Variants in TBX15 observed in about 807,000 individuals in gnomAD.
TBX15 encodes the protein T-box transcription factor 15, also known as T-box transcription factor TBX15.
In TBX15, 18 loss-of-function variants were observed where a neutral mutation model predicts 53.9. The observed-to-expected ratio is 0.33, with a 90% CI of 0.23 to 0.49. The LOEUF is 0.49. TBX15 is among the 20% of genes least tolerant of loss of function. The pLI is 0.98. For synonymous variants in TBX15, 295 were observed against 278.0 expected, an observed-to-expected ratio of 1.06 and a Z score of -0.61; for missense variants, 692 against 749.5, an observed-to-expected ratio of 0.92 and a Z score of 0.90.
chr1:118,894,568 GT>G (rs1654355710), intron 7 of TBX15, among the ~76,000 whole-genome samples: 1 of 152,162 alleles, frequency 6.6e-6, no homozygotes, highest in Non-Finnish European at 1.5e-5. Flanking sequence ...AGACATTAAG[GT>G]CATGCAGTGA....
chr1:118,970,935 A>T (rs1028951841), intron 1 of TBX15, among the ~76,000 whole-genome samples: 1 of 152,182 alleles, frequency 6.6e-6, no homozygotes, highest in Non-Finnish European at 1.5e-5. Context: ...ATTCTGCTTC[A>T]AGTTAACCCA....
At chr1:118,929,152 C>T (rs1655699525) in intron 2 of TBX15, among the ~76,000 whole-genome samples, 1 of 152,144 alleles carries the variant, frequency 6.6e-6, no homozygotes, top group Admixed American at 6.5e-5. Flanking sequence ...CACCTCTGTC[C>T]ATGGTGCTGA....
chr1:118,971,615 C>A lies in TBX15; in HGVS notation c.205+15976G>T, dbSNP rs560435950. Among the ~76,000 whole-genome samples the A allele has an allele frequency of 5.9e-5, 9 of 152,150 alleles. 1 individual carries two copies. Among genetic ancestry groups the A allele is most frequent in the African/African-American group, 2.2e-4 (9 of 41,450 alleles). ...TATGTTGGATGTCATAAGAAAGGTA[C>A]AAAATATTAATTTTTAAAGGCTTCT... is the stretch of plus-strand genomic sequence containing the variant. On this transcript the variant is annotated intron_variant, in intron 1 of 7. Coordinates refer to ENST00000369429, the MANE Select transcript of TBX15 (RefSeq NM_001330677.2).
chr1:118,924,930 A>G (rs1251468678), intron 3 of TBX15, 113 bp from the exon 4 acceptor site: 4 of 1,134,338 alleles, frequency 3.5e-6, no homozygotes, highest in Non-Finnish European at 5.3e-6. Context: ...GATTACATGA[A>G]TGGAGAAGTA....
intron 1 of TBX15, among the ~76,000 whole-genome samples, chr1:118,969,952 G>T (rs1182990631): frequency 5.3e-5 from 8 of 152,228 alleles, no homozygotes; most frequent in Non-Finnish European, 8.8e-5. Flanking sequence ...CCTGATGGGA[G>T]GTGATTGGAT....
chr1:118,898,483 G>T (rs1373335958), intron 7 of TBX15, among the ~76,000 whole-genome samples: 1 of 152,110 alleles, frequency 6.6e-6, no homozygotes, highest in Admixed American at 6.6e-5. Context: ...CAGTAGGGGG[G>T]AAAGTCTACT....
At chr1:118,922,920 C>T (rs1209223092) in intron 5 of TBX15, among the ~76,000 whole-genome samples, 2 of 86,866 alleles carry the variant, frequency 2.3e-5, no homozygotes, top group African/African-American at 7.7e-5. Context: ...CACATCACTG[C>T]CTTCATCAGA....
chr1:118,944,784 T>C (rs931369002), intron 1 of TBX15, among the ~76,000 whole-genome samples: 1 of 152,224 alleles, frequency 6.6e-6, no homozygotes, highest in Admixed American at 6.5e-5. Flanking sequence ...GTTCAGCATC[T>C]GTCATGATGA....
intron 6 of TBX15, 150 bp downstream of exon 6, chr1:118,913,964 TA>T (rs1655106907): frequency 9.4e-6 from 7 of 741,404 alleles, no homozygotes; most frequent in Admixed American, 4.6e-5. Flanking sequence ...ATTTGATTCT[TA>T]CGTTAGCTAT....
At chr1:118,886,672 C>T (rs1653954785) in intron 7 of TBX15, among the ~76,000 whole-genome samples, 2 of 152,164 alleles carry the variant, frequency 1.3e-5, no homozygotes, top group South Asian at 4.1e-4. Flanking sequence ...ATAGTCTTTC[C>T]TAAACTTGAG....
intron 1 of TBX15, among the ~76,000 whole-genome samples, chr1:118,986,934 CACATAATAT>C (rs1328508383): frequency 6.6e-6 from 1 of 152,176 alleles, no homozygotes; most frequent in Non-Finnish European, 1.5e-5. Context: ...ATGTTCCGTG[CACATAATAT>C]ACATGGGTTA....
At chr1:118,966,633 T>C (rs1378744374) in intron 1 of TBX15, among the ~76,000 whole-genome samples, 1 of 152,116 alleles carries the variant, frequency 6.6e-6, no homozygotes, top group African/African-American at 2.4e-5. Flanking sequence ...AAGGAAGGTA[T>C]ATTGAGGCTG....
chr1:118,975,175 C>T (rs1247599628), intron 1 of TBX15, among the ~76,000 whole-genome samples: 1 of 152,174 alleles, frequency 6.6e-6, no homozygotes, highest in African/African-American at 2.4e-5. Context: ...ACTTCAGACA[C>T]TGAGATTTTT....
At chr1:118,921,248 G>T (rs1215305670) in intron 5 of TBX15, among the ~76,000 whole-genome samples, 1 of 152,040 alleles carries the variant, frequency 6.6e-6, no homozygotes, top group African/African-American at 2.4e-5. Flanking sequence ...ACAGTATCTT[G>T]GGGAATATTT....
At chr1:118,974,192 T>C (rs1224368514) in intron 1 of TBX15, among the ~76,000 whole-genome samples, 1 of 152,166 alleles carries the variant, frequency 6.6e-6, no homozygotes, top group East Asian at 1.9e-4. Context: ...ATGGGTTCCT[T>C]AGGAAAGGAA....
intron 6 of TBX15, among the ~76,000 whole-genome samples, chr1:118,905,153 T>C (rs1383694129): frequency 6.6e-6 from 1 of 152,242 alleles, no homozygotes; most frequent in African/African-American, 2.4e-5. Flanking sequence ...CAAAGTTCTG[T>C]CAGCCCTCTG....
chr1:118,921,594 C>T (rs956064869), intron 5 of TBX15, among the ~76,000 whole-genome samples: 1 of 152,184 alleles, frequency 6.6e-6, no homozygotes, highest in Non-Finnish European at 1.5e-5. Flanking sequence ...ATGTGTAACT[C>T]GTAGAAAATT....
At chr1:118,917,532 C>A (rs772925571) in intron 5 of TBX15, among the ~76,000 whole-genome samples, 1 of 152,142 alleles carries the variant, frequency 6.6e-6, no homozygotes, top group Admixed American at 6.5e-5. Context: ...ACCTATGAAA[C>A]AAACCTGCAC....
intron 6 of TBX15, among the ~76,000 whole-genome samples, chr1:118,912,271 TGAGA>T (rs150439425): frequency 2.0e-5 from 3 of 151,494 alleles, no homozygotes; most frequent in African/African-American, 4.9e-5. Context: ...TTGGAACCCT[TGAGA>T]GAGAGAGAGA....
Sources: gnomAD v4.1 joint callset for allele counts (sites outside exome capture counted in the v4.1 genomes callset) on GRCh38, gnomAD v4.1.1 for gene constraint, MANE v1.5 for transcripts, NCBI Gene and HGNC (gene_info 2026-07-23, HGNC 2026-07-21) for gene names.